RAPGEF2: variants seen among roughly 807,000 people sequenced by gnomAD.
RAPGEF2 encodes the protein PDZ domain containing guanine nucleotide exchange factor (GEF) 1.
RAPGEF2 carries 54 observed loss-of-function variants against 186.7 expected under a neutral mutation model. The observed-to-expected ratio is 0.29, with a 90% CI of 0.23 to 0.36. The LOEUF (loss-of-function observed/expected upper bound fraction) is 0.36, where lower values mean the gene tolerates loss of function less well. Ranked by LOEUF, RAPGEF2 falls within the 10% of genes least tolerant of loss-of-function variation. RAPGEF2 has a pLI of 1.00. For missense variants in RAPGEF2, 1,532 were observed against 2,045.0 expected (o/e 0.75, Z 4.84); for synonymous variants, 712 against 705.9 (o/e 1.01, Z -0.14).
At chr4:159,180,169 C>T (rs761910841) in intron 1 of RAPGEF2, among the ~76,000 whole-genome samples, 9 of 152,124 alleles carry the variant, frequency 5.9e-5, no homozygotes, top group Admixed American at 2.6e-4. Flanking sequence ...GTTGTTTATG[C>T]GATCTGTGGT....
At chr4:159,209,420 A>G (rs991839537) in intron 3 of RAPGEF2, among the ~76,000 whole-genome samples, 4 of 152,228 alleles carry the variant, frequency 2.6e-5, no homozygotes, top group South Asian at 2.1e-4. Context: ...GTGGCAGCCC[A>G]TGGCCTTTGC....
At chr4:159,288,345 C>T (rs959305094) in intron 7 of RAPGEF2, among the ~76,000 whole-genome samples, 1 of 152,150 alleles carries the variant, frequency 6.6e-6, no homozygotes, top group Non-Finnish European at 1.5e-5. Flanking sequence ...ACCTAATCAC[C>T]TTTATGGTGC....
chr4:159,337,889 CAAAAAAAA>C (rs553291521), intron 17 of RAPGEF2, among the ~76,000 whole-genome samples: 8 of 32,584 alleles, frequency 2.5e-4, no homozygotes, highest in Non-Finnish European at 5.1e-4. Context: ...GACTCCATCT[CAAAAAAAA>C]AAAAAAAAAA....
intron 7 of RAPGEF2, among the ~76,000 whole-genome samples, chr4:159,270,473 T>C (rs1161686526): frequency 2.0e-5 from 3 of 152,212 alleles, no homozygotes; most frequent in African/African-American, 7.2e-5. Context: ...TTGTGGGCTT[T>C]TAAGTGGCTT....
At chr4:159,266,634 A>G (rs1757463988) in intron 7 of RAPGEF2, among the ~76,000 whole-genome samples, 1 of 152,114 alleles carries the variant, frequency 6.6e-6, no homozygotes, top group South Asian at 2.1e-4. Flanking sequence ...CAATATGTGC[A>G]TCTGTGTGTG....
chr4:159,223,128 G>A (rs1321638766), intron 4 of RAPGEF2, among the ~76,000 whole-genome samples: 1 of 151,990 alleles, frequency 6.6e-6, no homozygotes, highest in Non-Finnish European at 1.5e-5. Flanking sequence ...TTTTTAAAAG[G>A]ATCTGCAGTT....
At chr4:159,229,003 G>T (rs1752335545) in intron 4 of RAPGEF2, among the ~76,000 whole-genome samples, 1 of 151,998 alleles carries the variant, frequency 6.6e-6, no homozygotes, top group South Asian at 2.1e-4. Context: ...TTATGTGATT[G>T]TTTTTTTGTA....
chr4:159,202,720 G>C (rs1749575588), intron 3 of RAPGEF2, among the ~76,000 whole-genome samples: 1 of 152,104 alleles, frequency 6.6e-6, no homozygotes. Context: ...TCTTGCCTCA[G>C]CCTCCCGAAT....
chr4:159,111,029 A>G (rs1738432268), intron 1 of RAPGEF2, among the ~76,000 whole-genome samples: 1 of 151,926 alleles, frequency 6.6e-6, no homozygotes, highest in African/African-American at 2.4e-5. Flanking sequence ...GGAAAAAAAA[A>G]AACCACCCTT....
At chr4:159,267,908 C>G (rs1757619628) in intron 7 of RAPGEF2, 5 of 1,239,842 alleles carry the variant, frequency 4.0e-6, no homozygotes, top group African/African-American at 1.6e-5. Flanking sequence ...TTGTCATAGC[C>G]TAGGATGGTT....
intron 25 of RAPGEF2, among the ~76,000 whole-genome samples, chr4:159,347,360 T>G (rs2111299234): frequency 6.6e-6 from 1 of 152,382 alleles, no homozygotes. Context: ...CAGAATATTT[T>G]TAAGTTAAAT....
intron 1 of RAPGEF2, among the ~76,000 whole-genome samples, chr4:159,153,029 A>G (rs1381034423): frequency 2.0e-5 from 3 of 152,204 alleles, no homozygotes; most frequent in Admixed American, 1.3e-4. Flanking sequence ...TACTTGCTAT[A>G]TGACTTTCAC....
At chr4:159,186,754 A>T (rs1747595257) in intron 2 of RAPGEF2, 42 bp downstream of exon 2, 1 of 1,122,884 alleles carries the variant, frequency 8.9e-7, no homozygotes, top group Non-Finnish European at 1.2e-6. Context: ...AATGGTAAAA[A>T]TTTGAAGCAT....
At chr4:159,210,363 T>C in intron 3 of RAPGEF2, 137 bp from the exon 4 acceptor site, 1 of 546,548 alleles carries the variant, frequency 1.8e-6, no homozygotes, top group Non-Finnish European at 3.2e-6. Context: ...TGAATAATGG[T>C]ATTTTTATGA....
intron 1 of RAPGEF2, among the ~76,000 whole-genome samples, chr4:159,137,507 T>G (rs572339531): frequency 2.6e-5 from 4 of 152,260 alleles, no homozygotes; most frequent in African/African-American, 9.6e-5. Context: ...CCAAGTACTA[T>G]CACATGAGAT....
chr4:159,116,874 C>T (rs1182586100), intron 1 of RAPGEF2, among the ~76,000 whole-genome samples: 1 of 152,032 alleles, frequency 6.6e-6, no homozygotes, highest in Non-Finnish European at 1.5e-5. Flanking sequence ...ACACTGGGGC[C>T]TGTCAGTGTT....
In RAPGEF2 at chr4:159,339,205, C is replaced by T; in HGVS notation, c.2385C>T (p.Val795=). ...AGGACACTACAGCAAAGGAAGTGGT[C>T]ATTCAGGCTATCAGGGAGTTTGCTG... is the stretch of plus-strand genomic sequence containing the variant. ...ISKDTTAKEV[V]IQAIREFAVT... is the part of the protein sequence containing the mutation. Residue 795 remains valine, a synonymous_variant, in exon 19 of 30, where the codon GTC becomes GTT. Coordinates refer to ENST00000691494, the MANE Select transcript of RAPGEF2 (RefSeq NM_001394067.2). 1.9e-6 allele frequency: 3 copies of T among 1,614,124 alleles called. No homozygotes were observed. The highest frequency in any genetic ancestry group is 1.7e-6 in the Non-Finnish European group (2 of 1,180,012).
At chr4:159,313,455 A>C (rs184872930) in intron 8 of RAPGEF2, among the ~76,000 whole-genome samples, 1 of 152,312 alleles carries the variant, frequency 6.6e-6, no homozygotes, top group Non-Finnish European at 1.5e-5. Flanking sequence ...TGAGTTAATA[A>C]ATACATAGCA....
intron 1 of RAPGEF2, among the ~76,000 whole-genome samples, chr4:159,133,082 T>C (rs748936286): frequency 1.3e-5 from 2 of 152,184 alleles, no homozygotes; most frequent in Non-Finnish European, 2.9e-5. Flanking sequence ...TCTCAAGTTA[T>C]ATCTACATAC....
Sources: gnomAD v4.1 joint callset for allele counts (sites outside exome capture counted in the v4.1 genomes callset) on GRCh38, gnomAD v4.1.1 for gene constraint, MANE v1.5 for transcripts, NCBI Gene and HGNC (gene_info 2026-07-23, HGNC 2026-07-21) for gene names.